The following RBFOX1 variants were observed in gnomAD, a reference collection of about 807,000 sequenced individuals.
RBFOX1 encodes the protein RNA binding protein fox-1 homolog 1.
A neutral mutation model predicts 57.7 loss-of-function variants in RBFOX1; 8 were observed. That is an observed-to-expected ratio of 0.14 (90% confidence interval 0.08 to 0.25). The LOEUF (loss-of-function observed/expected upper bound fraction) is 0.25. RBFOX1 is among the 10% of genes least tolerant of loss of function. The probability of loss-of-function intolerance (pLI) is 1.00; values close to 1 mark genes in which losing one functional copy is unlikely to be tolerated. For missense variants in RBFOX1, 611 were observed against 548.5 expected (o/e 1.11, Z -1.14); for synonymous variants, 326 against 222.4 (o/e 1.47, Z -4.15).
chr16:5,971,135 G>A (rs1028500880), intron 4 of RBFOX1, among the ~76,000 whole-genome samples: 14 of 152,320 alleles, frequency 9.2e-5, no homozygotes, highest in Admixed American at 9.2e-4. Flanking sequence ...CGTTTATTGA[G>A]GATCTACTAT....
chr16:5,917,123 C>T (rs576176893), intron 4 of RBFOX1, among the ~76,000 whole-genome samples: 28 of 152,202 alleles, frequency 1.8e-4, no homozygotes, highest in African/African-American at 6.5e-4. Context: ...GTCTGTTTTC[C>T]TTCCTGTTCC....
chr16:5,814,688 G>A (rs1365377198), intron 3 of RBFOX1, among the ~76,000 whole-genome samples: 3 of 152,202 alleles, frequency 2.0e-5, no homozygotes, highest in Non-Finnish European at 4.4e-5. Context: ...CAGCACTTTG[G>A]GAGGCCGAGG....
intron 3 of RBFOX1, among the ~76,000 whole-genome samples, chr16:5,673,236 A>AG (rs2050068418): frequency 6.6e-6 from 1 of 152,102 alleles, no homozygotes; most frequent in South Asian, 2.1e-4. Context: ...AGAAGGGGCA[A>AG]GGACGGAGCC....
intron 2 of RBFOX1, among the ~76,000 whole-genome samples, chr16:5,530,638 C>G (rs185280400): frequency 1.3e-4 from 20 of 152,304 alleles, no homozygotes; most frequent in African/African-American, 4.6e-4. Flanking sequence ...TAGCAGCAAC[C>G]TTGGCCTCTA....
chr16:5,790,817 G>A (rs1341591521), intron 3 of RBFOX1, among the ~76,000 whole-genome samples: 1 of 151,368 alleles, frequency 6.6e-6, no homozygotes, highest in East Asian at 1.9e-4. Flanking sequence ...TGCTGCTCTT[G>A]TGGCCCTCTG....
chr16:6,534,622 C>G (rs1394682398), intron 2 of RBFOX1, among the ~76,000 whole-genome samples: 1 of 152,156 alleles, frequency 6.6e-6, no homozygotes, highest in Non-Finnish European at 1.5e-5. Flanking sequence ...CTAATCGTCA[C>G]AAGACCGCAA....
chr16:6,194,308 G>C (rs981646078), intron 1 of RBFOX1, among the ~76,000 whole-genome samples: 69 of 152,094 alleles, frequency 4.5e-4, no homozygotes, highest in Admixed American at 1.3e-4. Context: ...CCAGGCTGCT[G>C]CAACGAGCTT....
chr16:5,368,689 T>C (rs1227724436), intron 1 of RBFOX1, among the ~76,000 whole-genome samples: 2 of 152,152 alleles, frequency 1.3e-5, no homozygotes, highest in African/African-American at 4.8e-5. Flanking sequence ...AATTCTGGCC[T>C]TTCAGGGGGG....
chr16:7,597,149 C>T lies in RBFOX1; in HGVS notation c.562-222C>T, dbSNP rs2094745817. 8 of 415,972 alleles carry T rather than the reference C, an allele frequency of 1.9e-5. No individual in the cohort carries two copies. In the South Asian group the frequency reaches 3.4e-4, roughly 18 times the overall value. 25.8% of individuals were successfully genotyped at this position (415,972 alleles called of 1,614,324 possible). A position where few individuals can be genotyped will look rare whatever the true frequency, so the allele number is the denominator to read the frequency against. On this transcript the variant is annotated intron_variant, in intron 8 of 15. Coordinates refer to ENST00000550418, the MANE Select transcript of RBFOX1 (RefSeq NM_018723.4). ...TTATTAAACACTCTTAATGATATGA[C>T]ATTGCTTTATTGAAATGATTTGTAA...
chr16:6,756,559 C>G (rs560551761), intron 3 of RBFOX1, among the ~76,000 whole-genome samples: 2 of 152,236 alleles, frequency 1.3e-5, no homozygotes, highest in South Asian at 4.1e-4. Flanking sequence ...TATTTGCAAG[C>G]TATTCAGTCA....
intron 2 of RBFOX1, among the ~76,000 whole-genome samples, chr16:6,431,982 G>A (rs2094113582): frequency 7.2e-6 from 1 of 139,658 alleles, no homozygotes; most frequent in Non-Finnish European, 1.5e-5. Context: ...TTGAAATAGA[G>A]ACAGGGTCAT....
intron 1 of RBFOX1, among the ~76,000 whole-genome samples, chr16:5,427,984 C>T (rs569482665): frequency 6.6e-6 from 1 of 152,322 alleles, no homozygotes; most frequent in South Asian, 2.1e-4. Context: ...CTGCTGCCAT[C>T]CACACTGACA....
chr16:5,286,717 C>T (rs1307280985), intron 1 of RBFOX1, among the ~76,000 whole-genome samples: 3 of 152,106 alleles, frequency 2.0e-5, no homozygotes, highest in Admixed American at 6.6e-5. Flanking sequence ...AAACTTTTTC[C>T]ATAAAGAGGC....
chr16:7,570,694 CT>C lies in RBFOX1; in HGVS notation c.271-9082del, dbSNP rs774237413. Among the ~76,000 whole-genome samples, 8 of 152,288 alleles carry C rather than the reference CT, an allele frequency of 5.3e-5. No individual in the cohort carries two copies. In the Middle Eastern group the frequency reaches 0.01, roughly 194 times the overall value. ...AACAGTGTGGTGATTCCTCAAATAC[CT>C]GGAACCAGAAATACCATTTTACCTG... On this transcript the variant is annotated intron_variant, in intron 5 of 15. Transcript: ENST00000550418.
At chr16:6,833,667 G>A (rs867027036) in intron 3 of RBFOX1, among the ~76,000 whole-genome samples, 7 of 152,308 alleles carry the variant, frequency 4.6e-5, no homozygotes, top group Non-Finnish European at 5.9e-5. Context: ...TTGGCACCTA[G>A]AATTGACTGG....
intron 1 of RBFOX1, among the ~76,000 whole-genome samples, chr16:6,223,466 T>A (rs2097392126): frequency 6.6e-6 from 1 of 152,082 alleles, no homozygotes. Context: ...GATGATCATT[T>A]TTTCATGTGT....
intron 1 of RBFOX1, among the ~76,000 whole-genome samples, chr16:6,191,301 A>G (rs563959963): frequency 6.6e-6 from 1 of 152,180 alleles, no homozygotes; most frequent in Admixed American, 6.5e-5. Flanking sequence ...GCCTGTGATT[A>G]TGATAACCCA....
intron 2 of RBFOX1, among the ~76,000 whole-genome samples, chr16:5,490,671 C>A (rs1188296991): frequency 6.6e-6 from 1 of 152,170 alleles, no homozygotes; most frequent in Non-Finnish European, 1.5e-5. Flanking sequence ...TCTCTGCAGA[C>A]CGCCCGGAAA....
At chr16:7,119,665 T>C (rs9926566) in intron 4 of RBFOX1, among the ~76,000 whole-genome samples, 97,530 of 151,846 alleles carry the variant, frequency 0.64, 31,672 homozygotes, top group East Asian at 0.87. Flanking sequence ...CAAAACAATC[T>C]TAAACAATCA....
Sources: gnomAD v4.1 joint callset for allele counts (sites outside exome capture counted in the v4.1 genomes callset) on GRCh38, gnomAD v4.1.1 for gene constraint, MANE v1.5 for transcripts, NCBI Gene and HGNC (gene_info 2026-07-23, HGNC 2026-07-21) for gene names.